RBFOX1: variants seen among roughly 807,000 people sequenced by gnomAD.
The protein encoded by RBFOX1 is RNA binding fox-1 homolog 1.
RBFOX1 carries 8 observed loss-of-function variants against 57.7 expected under a neutral mutation model. That is an observed-to-expected ratio of 0.14 (90% CI 0.08 to 0.25). The LOEUF is 0.25. Among genes scored for constraint, RBFOX1 ranks in the 10% least tolerant of loss-of-function variants. The pLI, the probability that RBFOX1 is intolerant of heterozygous loss-of-function variation, is 1.00. For missense variants in RBFOX1, 611 were observed against 548.5 expected (o/e 1.11, Z -1.14); for synonymous variants, 326 against 222.4 (o/e 1.47, Z -4.15).
intron 1 of RBFOX1, among the ~76,000 whole-genome samples, chr16:6,174,510 G>C (rs12923355): frequency 0.47 from 71,235 of 151,720 alleles, 16,813 homozygotes; most frequent in Admixed American, 0.53. Flanking sequence ...CACAAGAGTC[G>C]CTTGAACCCA....
intron 1 of RBFOX1, among the ~76,000 whole-genome samples, chr16:5,245,024 G>A (rs1332712755): frequency 5.3e-5 from 8 of 152,192 alleles, no homozygotes; most frequent in Non-Finnish European, 1.2e-4. Context: ...TGGACCATAG[G>A]GAAATGTCTT....
At chr16:6,195,386 C>G (rs963322783) in intron 1 of RBFOX1, among the ~76,000 whole-genome samples, 4 of 152,066 alleles carry the variant, frequency 2.6e-5, no homozygotes, top group Non-Finnish European at 4.4e-5. Flanking sequence ...GTCTTCTGGA[C>G]TGAGAAAAAT....
At chr16:5,534,271 A>G (rs1261717434) in intron 2 of RBFOX1, among the ~76,000 whole-genome samples, 1 of 152,160 alleles carries the variant, frequency 6.6e-6, no homozygotes, top group African/African-American at 2.4e-5. Context: ...CTCCAGAGGG[A>G]CAGAACTAAC....
Position 7,442,229 on chromosome 16 carries a change from C to G in RBFOX1, c.28-75918C>G, listed in dbSNP as rs544797528. 8.5e-5 allele frequency among the ~76,000 whole-genome samples: 13 copies of G among 152,222 alleles called. No homozygotes were observed. In the South Asian group the frequency reaches 2.5e-3, roughly 29 times the overall value. On this transcript the variant is annotated intron_variant, in intron 4 of 15. Coordinates refer to ENST00000550418, the MANE Select transcript of RBFOX1 (RefSeq NM_018723.4). The stretch of plus-strand genomic sequence containing the variant: ...GGTCCTAAGGGGTCTCCTGACTACT[C>G]CAATGCCAGGTGTTCTCCCCAGCCA...
At chr16:6,062,191 A>AGGG (rs1299288244) in intron 1 of RBFOX1, among the ~76,000 whole-genome samples, 1 of 152,166 alleles carries the variant, frequency 6.6e-6, no homozygotes, top group Non-Finnish European at 1.5e-5. Context: ...CCCACTAGTT[A>AGGG]AGAAGCTCTC....
chr16:6,093,323 C>T (rs2096202846), intron 1 of RBFOX1, among the ~76,000 whole-genome samples: 1 of 151,890 alleles, frequency 6.6e-6, no homozygotes, highest in African/African-American at 2.4e-5. Flanking sequence ...CCTGTAGGCA[C>T]ATCTACTTGG....
intron 4 of RBFOX1, among the ~76,000 whole-genome samples, chr16:7,135,101 G>C (rs957059897): frequency 6.6e-6 from 1 of 152,136 alleles, no homozygotes; most frequent in Non-Finnish European, 1.5e-5. Flanking sequence ...GACTTATCCT[G>C]AGGCTGTTTT....
At chr16:7,378,729 T>G (rs1297688030) in intron 4 of RBFOX1, among the ~76,000 whole-genome samples, 2 of 152,216 alleles carry the variant, frequency 1.3e-5, no homozygotes, top group East Asian at 3.9e-4. Flanking sequence ...CCTGGTGAGC[T>G]TTCTGCTGCT....
intron 1 of RBFOX1, among the ~76,000 whole-genome samples, chr16:6,108,195 C>G (rs548607275): frequency 6.6e-6 from 1 of 152,036 alleles, no homozygotes; most frequent in Admixed American, 6.5e-5. Context: ...ATACATGTCT[C>G]TGTTGTTTTT....
intron 3 of RBFOX1, among the ~76,000 whole-genome samples, chr16:5,725,889 G>T (rs1360243168): frequency 6.6e-6 from 1 of 151,900 alleles, no homozygotes; most frequent in Non-Finnish European, 1.5e-5. Flanking sequence ...CAGGTTTGCT[G>T]CAGGTTGGGG....
intron 2 of RBFOX1, among the ~76,000 whole-genome samples, chr16:5,492,707 C>G (rs2042873009): frequency 6.6e-6 from 1 of 152,212 alleles, no homozygotes; most frequent in East Asian, 1.9e-4. Context: ...GGCTCAGACT[C>G]AGGTGCAAGA....
intron 4 of RBFOX1, among the ~76,000 whole-genome samples, chr16:7,110,977 C>T (rs1376427811): frequency 2.0e-5 from 3 of 152,106 alleles, no homozygotes; most frequent in East Asian, 3.9e-4. Context: ...TACAGTATTT[C>T]TGGAAAGAAG....
chr16:6,754,055 T>A (rs2075391975), intron 3 of RBFOX1, among the ~76,000 whole-genome samples: 1 of 152,196 alleles, frequency 6.6e-6, no homozygotes, highest in Non-Finnish European at 1.5e-5. Context: ...ATACCCACTC[T>A]TCAGCATAAA....
chr16:6,929,576 G>A (rs181814219), intron 3 of RBFOX1, among the ~76,000 whole-genome samples: 1 of 152,210 alleles, frequency 6.6e-6, no homozygotes, highest in Non-Finnish European at 1.5e-5. Flanking sequence ...AGGTCTGCAT[G>A]GGGCCGGGGA....
intron 3 of RBFOX1, among the ~76,000 whole-genome samples, chr16:6,959,015 T>C (rs1285439408): frequency 6.6e-6 from 1 of 152,196 alleles, no homozygotes; most frequent in Non-Finnish European, 1.5e-5. Context: ...ATATTAATCA[T>C]AATGGACAGT....
At chr16:6,070,521 C>T (rs2095823140) in intron 1 of RBFOX1, among the ~76,000 whole-genome samples, 1 of 152,158 alleles carries the variant, frequency 6.6e-6, no homozygotes, top group African/African-American at 2.4e-5. Context: ...GACAAGAAGT[C>T]ACTCTTGTTT....
chr16:5,527,823 T>C (rs978436311), intron 2 of RBFOX1, among the ~76,000 whole-genome samples: 6 of 152,122 alleles, frequency 3.9e-5, no homozygotes, highest in African/African-American at 1.4e-4. Context: ...GACCTTTGGG[T>C]TTTGTCTTGG....
At chr16:6,865,830 A>G (rs2142943048) in intron 3 of RBFOX1, among the ~76,000 whole-genome samples, 1 of 152,326 alleles carries the variant, frequency 6.6e-6, no homozygotes, top group South Asian at 2.1e-4. Flanking sequence ...TTCAGGTACA[A>G]TTAACTTCTC....
chr16:6,699,029 A>C (rs1839288894), intron 3 of RBFOX1, among the ~76,000 whole-genome samples: 1 of 152,208 alleles, frequency 6.6e-6, no homozygotes, highest in South Asian at 2.1e-4. Context: ...TTAGGTACTA[A>C]AAATGGGTGT....
Sources: gnomAD v4.1 joint callset for allele counts (sites outside exome capture counted in the v4.1 genomes callset) on GRCh38, gnomAD v4.1.1 for gene constraint, MANE v1.5 for transcripts, NCBI Gene and HGNC (gene_info 2026-07-23, HGNC 2026-07-21) for gene names.